SEC31A: variants seen among roughly 807,000 people sequenced by gnomAD.
SEC31A encodes protein transport protein Sec31A.
SEC31A carries 70 observed loss-of-function variants against 151.0 expected under a neutral mutation model. The observed-to-expected ratio is 0.46, with a 90% CI of 0.38 to 0.57. The LOEUF is 0.57. SEC31A is among the 20% of genes least tolerant of loss of function. The probability of loss-of-function intolerance (pLI) is 0.00; values close to 1 mark genes in which losing one functional copy is unlikely to be tolerated. For synonymous variants in SEC31A, 475 were observed against 505.9 expected, an observed-to-expected ratio of 0.94 and a Z score of 0.82; for missense variants, 1,330 against 1,471.2, an observed-to-expected ratio of 0.90 and a Z score of 1.57.
intron 1 of SEC31A, 100 bp downstream of exon 1, chr4:82,890,988 G>C: frequency 1.3e-6 from 2 of 1,504,398 alleles, no homozygotes; most frequent in Admixed American, 2.0e-5. Context: ...AGGCTGGTGC[G>C]GGGCAGCGGA....
intron 7 of SEC31A, chr4:82,871,352 C>CA (rs1736631070): frequency 6.6e-7 from 1 of 1,517,572 alleles, no homozygotes; most frequent in Non-Finnish European, 8.8e-7. Context: ...AACGTAGGTA[C>CA]AGTAAAATGT....
At chr4:82,858,532 G>A (rs1400742254) in intron 14 of SEC31A, among the ~76,000 whole-genome samples, 1 of 86,278 alleles carries the variant, frequency 1.2e-5, no homozygotes, top group Admixed American at 1.9e-4. Context: ...GACAGAGCGA[G>A]ACTCTGTCTC....
At position 82,881,958 on chromosome 4, in the gene SEC31A, T is replaced by C. The variant is rs747082747; in HGVS notation, c.-4-18A>G. On this transcript the variant is annotated intron_variant, in intron 1 of 26. Coordinates refer to ENST00000395310, the MANE Select transcript of SEC31A (RefSeq NM_001077207.4). ...TCATCCTGCTAAAGGGAATATTTTA[T>C]ACAGAAACAGCCTTGAATGACTTGA... The C allele has an allele frequency of 1.4e-5, 23 of 1,594,756 alleles. No homozygotes were observed. The East Asian group carries it at 1.6e-4, about 11-fold the overall frequency.
rs180880659 is a variant in SEC31A, at chr4:82,854,290, G to T, written c.2009-575C>A. On this transcript the variant is annotated intron_variant, in intron 17 of 26. Transcript: ENST00000395310. ...AGGCAGGAGAATCACTTGAACGCAGGGGGTGGAGGTTGCAGTGAGCCAAGA... is the reference window on the plus strand; with the variant it reads ...AGGCAGGAGAATCACTTGAACGCAGTGGGTGGAGGTTGCAGTGAGCCAAGA... 6.4e-3 allele frequency among the ~76,000 whole-genome samples: 978 copies of T among 152,036 alleles called. 4 individuals are homozygous for T. The highest frequency in any genetic ancestry group is 0.011 in the Non-Finnish European group (715 of 67,966).
rs887319553 is a variant in SEC31A at position 82,830,651 on chromosome 4, A to C, written c.2969-1593T>G. On this transcript the variant is annotated intron_variant, in intron 22 of 26. Transcript: ENST00000395310. Reference sequence around the variant, plus strand: ...ATAGATTAATCATTCAAATCTCTGCAATCACTTTCTAGTCTTACCCGTAGC... The same window carrying C: ...ATAGATTAATCATTCAAATCTCTGCCATCACTTTCTAGTCTTACCCGTAGC... Among the ~76,000 whole-genome samples, 7 of 152,310 alleles carry C rather than the reference A, an allele frequency of 4.6e-5. No individual in the cohort carries two copies. The East Asian group carries it at 1.3e-3, about 29-fold the overall frequency.
chr4:82,883,758 A>G (rs116817332), intron 1 of SEC31A, among the ~76,000 whole-genome samples: 1,707 of 151,570 alleles, frequency 0.011, 34 homozygotes, highest in African/African-American at 0.039. Flanking sequence ...GAGCCCGGGA[A>G]GTTGAGGCTG....
chr4:82,835,714 G>T (rs1172022763), intron 22 of SEC31A, among the ~76,000 whole-genome samples: 1 of 152,132 alleles, frequency 6.6e-6, no homozygotes, highest in African/African-American at 2.4e-5. Context: ...AGAATTGCTT[G>T]AACCTAGGAG....
intron 1 of SEC31A, among the ~76,000 whole-genome samples, chr4:82,884,135 C>T (rs1032806622): frequency 6.6e-6 from 1 of 151,626 alleles, no homozygotes; most frequent in Non-Finnish European, 1.5e-5. Context: ...TACAGGCACA[C>T]ACCACCACAT....
Position 82,866,903 on chromosome 4 carries a change from A to G in SEC31A, c.1102T>C (p.Leu368=), listed in dbSNP as rs770913213. The part of the protein sequence containing the change: ...PFGTGQPLPP[L]QIPQQTAQHS... The stretch of plus-strand genomic sequence containing the variant: ...TGAGCAGTCTGCTGTGGAATTTGTA[A>G]CGGAGGAAGGGGCTGTCCTGTGCCA... The change falls in exon 10 of 27, where the codon TTA becomes CTA. Residue 368 remains leucine (L), a synonymous_variant. Coordinates refer to ENST00000395310, the MANE Select transcript of SEC31A (RefSeq NM_001077207.4). The G allele has an allele frequency of 6.2e-7, 1 of 1,614,218 alleles. No individual in the cohort carries two copies. Among genetic ancestry groups the G allele is most frequent in the South Asian group, 1.1e-5 (1 of 91,092 alleles).
At chr4:82,869,894 T>A (rs1375337841) in intron 8 of SEC31A, among the ~76,000 whole-genome samples, 1 of 152,220 alleles carries the variant, frequency 6.6e-6, no homozygotes, top group Non-Finnish European at 1.5e-5. Context: ...ATTCTTGCTT[T>A]ATCATTCAGA....
At chr4:82,863,543 G>C in intron 11 of SEC31A, 151 bp from the exon 12 acceptor site, 1 of 495,216 alleles carries the variant, frequency 2.0e-6, no homozygotes, top group South Asian at 3.7e-5. Flanking sequence ...AAAGAATAGT[G>C]GGTTTTTTTG....
chr4:82,869,276 C>T (rs183839547), intron 8 of SEC31A, among the ~76,000 whole-genome samples: 232 of 151,572 alleles, frequency 1.5e-3, no homozygotes, highest in African/African-American at 5.2e-3. Context: ...CCCGCCACCA[C>T]GTCCAGCTAA....
upstream of SEC31A, among the ~76,000 whole-genome samples, chr4:82,891,756 T>C (rs1719789986): frequency 6.6e-6 from 1 of 152,218 alleles, no homozygotes; most frequent in Non-Finnish European, 1.5e-5. Flanking sequence ...GTTTCATACT[T>C]GTTACTATCC....
Position 82,857,039 on chromosome 4 carries a change from G to C in SEC31A, c.1794C>G (p.Ala598=), listed in dbSNP as rs773321058. 2 of 1,613,910 alleles carry C rather than the reference G, an allele frequency of 1.2e-6. No individual in the cohort carries two copies. Among genetic ancestry groups the C allele is most frequent in the Non-Finnish European group, 8.5e-7 (1 of 1,179,896 alleles). ...GTCCACCTGCTATGGCCAATATAATGGCATCGGCCATGCGGTTATCATGTA... is the reference window on the plus strand; with the variant it reads ...GTCCACCTGCTATGGCCAATATAATCGCATCGGCCATGCGGTTATCATGTA... The part of the protein sequence containing the change: ...LCLHDNRMAD[A]IILAIAGGQE... The change falls in exon 16 of 27, where the codon GCC becomes GCG. Residue 598 remains alanine (A), a synonymous_variant. Transcript: ENST00000395310.
At chr4:82,841,069 A>G (rs903125798) in intron 22 of SEC31A, among the ~76,000 whole-genome samples, 14 of 152,164 alleles carry the variant, frequency 9.2e-5, no homozygotes, top group African/African-American at 3.4e-4. Flanking sequence ...TTTTGTAATA[A>G]CACTTAGCTT....
intron 12 of SEC31A, 141 bp from the exon 13 acceptor site, chr4:82,862,713 A>G: frequency 1.5e-6 from 1 of 656,206 alleles, no homozygotes; most frequent in Non-Finnish European, 2.7e-6. Context: ...TAAAAAAGCT[A>G]TGCAGAACTG....
Position 82,819,100 on chromosome 4 carries a change from T to C in SEC31A, c.3637A>G (p.Thr1213Ala), listed in dbSNP as rs1722781869. 1 of 1,610,110 alleles carries C rather than the reference T, an allele frequency of 6.2e-7. No individual in the cohort carries two copies. Among genetic ancestry groups the C allele is most frequent in the African/African-American group, 1.3e-5 (1 of 74,800 alleles). The change falls in exon 27 of 27, where the codon ACC becomes GCC. Residue 1213 changes from threonine to alanine, a missense_variant. By Grantham distance (58) the Thr-to-Ala change is moderately conservative. Transcript: ENST00000395310. Reference sequence around the variant, plus strand: ...TAGACACCCAGCTTATTGGCCTGGGTGAGAACAACTTTGAGAACTGGCATG... The same window carrying C: ...TAGACACCCAGCTTATTGGCCTGGGCGAGAACAACTTTGAGAACTGGCATG... ...AFMPVLKVVL[T>A]QANKLGV is the part of the protein sequence containing the mutation.
At chr4:82,876,361 C>T (rs1422462392) in intron 4 of SEC31A, among the ~76,000 whole-genome samples, 10 of 152,118 alleles carry the variant, frequency 6.6e-5, no homozygotes, top group Admixed American at 6.5e-4. Context: ...CCACCTGCCT[C>T]GGCCTCCCAA....
chr4:82,881,911 G>A lies in SEC31A; in HGVS notation c.26C>T (p.Thr9Ile). The change falls in exon 2 of 27, where the codon ACA becomes ATA. Residue 9 changes from threonine to isoleucine, a missense_variant. By Grantham distance (89) the Thr-to-Ile change is moderately conservative. Coordinates refer to ENST00000395310, the MANE Select transcript of SEC31A (RefSeq NM_001077207.4). MKLKEVDR[T>I]AMQAWSPAQN... is the part of the protein sequence containing the mutation. Reference sequence around the variant, plus strand: ...GGCAGGGCTCCATGCCTGCATGGCTGTACGATCTACTTCCTTTAACTTCAT... The same window carrying A: ...GGCAGGGCTCCATGCCTGCATGGCTATACGATCTACTTCCTTTAACTTCAT... 6.2e-7 allele frequency: 1 copy of A among 1,614,084 alleles called. No homozygotes were observed. Among genetic ancestry groups the A allele is most frequent in the Non-Finnish European group, 8.5e-7 (1 of 1,179,916 alleles).
Sources: gnomAD v4.1 joint callset for allele counts (sites outside exome capture counted in the v4.1 genomes callset) on GRCh38, gnomAD v4.1.1 for gene constraint, MANE v1.5 for transcripts, NCBI Gene and HGNC (gene_info 2026-07-23, HGNC 2026-07-21) for gene names.